TENM3: variants seen among roughly 807,000 people sequenced by gnomAD.
The protein encoded by TENM3 is teneurin transmembrane protein 3, also known as teneurin-3.
TENM3 carries 63 observed loss-of-function variants against 255.1 expected under a neutral mutation model. The ratio of observed to expected loss-of-function variants is 0.25; its 90% CI spans 0.20 to 0.30. The LOEUF (loss-of-function observed/expected upper bound fraction) is 0.30. Among genes scored for constraint, TENM3 ranks in the 10% least tolerant of loss-of-function variants. The pLI is 1.00. For missense variants in TENM3, 2,929 were observed against 3,461.1 expected (o/e 0.85, Z 3.86); for synonymous variants, 1,306 against 1,322.3 (o/e 0.99, Z 0.27).
At chr4:181,547,940 C>T in the TENM3 span, among the ~76,000 whole-genome samples, 3 of 152,018 alleles carry the variant, frequency 2.0e-5, no homozygotes, top group Admixed American at 6.6e-5. Context: ...CATATATCTC[C>T]TAATGCTATC....
At chr4:182,035,354 G>A in the TENM3 span, among the ~76,000 whole-genome samples, 1 of 152,164 alleles carries the variant, frequency 6.6e-6, no homozygotes, top group Non-Finnish European at 1.5e-5. Flanking sequence ...GATCAGTGAA[G>A]TTGAGAAGTA....
At chr4:182,259,092 A>G (rs925725083) in intron 1 of TENM3, among the ~76,000 whole-genome samples, 1 of 152,186 alleles carries the variant, frequency 6.6e-6, no homozygotes, top group African/African-American at 2.4e-5. Flanking sequence ...AAGCTAAAAG[A>G]TGGTGAAGGT....
chr4:182,031,442 T>G, the TENM3 span, among the ~76,000 whole-genome samples: 1 of 152,286 alleles, frequency 6.6e-6, no homozygotes, highest in African/African-American at 2.4e-5. Flanking sequence ...TACCATGCTG[T>G]TTTGGTTACT....
At chr4:181,734,025 G>T in the TENM3 span, among the ~76,000 whole-genome samples, 1 of 152,132 alleles carries the variant, frequency 6.6e-6, no homozygotes, top group African/African-American at 2.4e-5. Context: ...AGCCATAAAC[G>T]TATCTTTGAA....
the TENM3 span, among the ~76,000 whole-genome samples, chr4:181,576,917 G>A: frequency 3.2e-3 from 445 of 137,002 alleles, no homozygotes; most frequent in African/African-American, 0.011. Context: ...GGGTTCAAGC[G>A]ATTCTCCTGC....
chr4:182,501,256 T>A (rs1391521697), intron 3 of TENM3, among the ~76,000 whole-genome samples: 1 of 151,914 alleles, frequency 6.6e-6, no homozygotes, highest in Non-Finnish European at 1.5e-5. Flanking sequence ...ACAGTCATCC[T>A]GATAACATGA....
At chr4:181,633,788 C>T in the TENM3 span, among the ~76,000 whole-genome samples, 6 of 152,102 alleles carry the variant, frequency 3.9e-5, no homozygotes, top group East Asian at 1.9e-4. Context: ...CTTTAGCACA[C>T]GGGACATAAA....
At chr4:182,082,450 T>G in the TENM3 span, among the ~76,000 whole-genome samples, 1 of 152,226 alleles carries the variant, frequency 6.6e-6, no homozygotes, top group Non-Finnish European at 1.5e-5. Flanking sequence ...TGTACATTCA[T>G]GTACTCACCA....
At chr4:182,248,989 C>A (rs1020617551) in intron 1 of TENM3, among the ~76,000 whole-genome samples, 1 of 152,186 alleles carries the variant, frequency 6.6e-6, no homozygotes, top group African/African-American at 2.4e-5. Context: ...TTACTATGTG[C>A]CAGACCCTCC....
the TENM3 span, among the ~76,000 whole-genome samples, chr4:181,833,552 G>A: frequency 6.6e-6 from 1 of 152,138 alleles, no homozygotes; most frequent in South Asian, 2.1e-4. Flanking sequence ...GGCTACTCAG[G>A]CCATTCAAAT....
intron 16 of TENM3, among the ~76,000 whole-genome samples, chr4:182,732,332 G>T (rs1028474851): frequency 1.3e-5 from 2 of 152,096 alleles, no homozygotes; most frequent in Non-Finnish European, 2.9e-5. Context: ...ATAACTTACT[G>T]TTTAATTATT....
chr4:181,553,653 G>A, the TENM3 span, among the ~76,000 whole-genome samples: 11 of 152,040 alleles, frequency 7.2e-5, no homozygotes, highest in South Asian at 2.1e-4. Flanking sequence ...GTGTTAGCCA[G>A]GATGGTCTCG....
At chr4:181,579,437 C>T in the TENM3 span, among the ~76,000 whole-genome samples, 1 of 152,252 alleles carries the variant, frequency 6.6e-6, no homozygotes, top group East Asian at 1.9e-4. Context: ...CCATAATATT[C>T]CTTGATACAC....
the TENM3 span, among the ~76,000 whole-genome samples, chr4:181,823,573 CTGAACCCCTTTAAA>C: frequency 2.6e-5 from 4 of 152,116 alleles, no homozygotes; most frequent in Non-Finnish European, 5.9e-5. Flanking sequence ...TTTTGATTGG[CTGAACCCCTTTAAA>C]TAATTTATAT....
chr4:182,296,087 C>T (rs1236792401), intron 1 of TENM3, among the ~76,000 whole-genome samples: 5 of 152,134 alleles, frequency 3.3e-5, no homozygotes, highest in African/African-American at 1.2e-4. Flanking sequence ...CCTCAGCCTC[C>T]CGAGTAGCTG....
At chr4:182,450,258 C>T (rs1456649904) in intron 3 of TENM3, among the ~76,000 whole-genome samples, 1 of 152,168 alleles carries the variant, frequency 6.6e-6, no homozygotes, top group Non-Finnish European at 1.5e-5. Flanking sequence ...CCTCTGTGTG[C>T]TAATTGTTAA....
the TENM3 span, chr4:181,874,684 A>T: frequency 6.6e-6 from 1 of 152,334 alleles, no homozygotes; most frequent in African/African-American, 2.4e-5. Context: ...GACTCCACAC[A>T]GACTTCTACT....
At chr4:182,551,421 CTA>C in intron 3 of TENM3, among the ~76,000 whole-genome samples, 1 of 152,006 alleles carries the variant, frequency 6.6e-6, no homozygotes, top group South Asian at 2.1e-4. Flanking sequence ...GGTAGGATAA[CTA>C]TGTAAACTAT....
At chr4:181,565,956 CAG>C in the TENM3 span, among the ~76,000 whole-genome samples, 3 of 151,972 alleles carry the variant, frequency 2.0e-5, no homozygotes, top group Non-Finnish European at 4.4e-5. Flanking sequence ...TAAAGTGAGA[CAG>C]AAATTAATCA....
Sources: allele counts gnomAD v4.1 joint callset (sites outside exome capture counted in the v4.1 genomes callset), GRCh38; gene constraint gnomAD v4.1.1; transcripts MANE v1.5; gene names NCBI Gene and HGNC (gene_info 2026-07-23, HGNC 2026-07-21).